Variants in NCKAP1 observed in about 807,000 individuals in gnomAD.
NCKAP1 encodes nck-associated protein 1.
Under a neutral mutation model 151.2 loss-of-function variants are expected in NCKAP1, and 21 were observed. The observed-to-expected ratio is 0.14, with a 90% CI of 0.10 to 0.20. The LOEUF is 0.20. Among genes scored for constraint, NCKAP1 ranks in the 10% least tolerant of loss-of-function variants. The pLI is 1.00. For synonymous variants in NCKAP1, 484 were observed against 451.8 expected (o/e 1.07, Z -0.90); for missense variants, 933 against 1,352.1 (o/e 0.69, Z 4.86).
At chr2:183,025,682 A>G (rs1318555703) in intron 1 of NCKAP1, among the ~76,000 whole-genome samples, 1 of 152,214 alleles carries the variant, frequency 6.6e-6, no homozygotes, top group Non-Finnish European at 1.5e-5. Context: ...CATTTCTTTA[A>G]AATATTCTTA....
At chr2:182,973,847 T>G (rs1697748826) in intron 15 of NCKAP1, among the ~76,000 whole-genome samples, 1 of 152,192 alleles carries the variant, frequency 6.6e-6, no homozygotes, top group Non-Finnish European at 1.5e-5. Flanking sequence ...CTTTTTCCTA[T>G]TCAAAGCAAT....
chr2:182,940,232 A>T (rs1696967726), intron 24 of NCKAP1, among the ~76,000 whole-genome samples: 1 of 152,196 alleles, frequency 6.6e-6, no homozygotes, highest in Non-Finnish European at 1.5e-5. Flanking sequence ...AAAACATGAA[A>T]AAAACAAAAC....
In NCKAP1 at chr2:183,032,912, T is replaced by C; in HGVS notation, c.108+5080A>G. On this transcript the variant is annotated intron_variant, in intron 1 of 30. Transcript: ENST00000361354. Reference sequence around the variant, plus strand: ...AAAAAATACAAAAATTAGCCTGGCATGGTGGCATGTGCCTATAGTCCCAGC... The same window carrying C: ...AAAAAATACAAAAATTAGCCTGGCACGGTGGCATGTGCCTATAGTCCCAGC... Among the ~76,000 whole-genome samples, 2 of 152,076 alleles carry C rather than the reference T, an allele frequency of 1.3e-5. 1 individual carries two copies. Among genetic ancestry groups the C allele is most frequent in the Non-Finnish European group, 2.9e-5 (2 of 68,008 alleles).
At chr2:183,000,563 T>G (rs1698357453) in intron 6 of NCKAP1, among the ~76,000 whole-genome samples, 1 of 152,192 alleles carries the variant, frequency 6.6e-6, no homozygotes, top group Non-Finnish European at 1.5e-5. Flanking sequence ...GACCATGATA[T>G]GTGCAGTATT....
At chr2:183,026,984 C>T (rs1282807013) in intron 1 of NCKAP1, among the ~76,000 whole-genome samples, 2 of 152,078 alleles carry the variant, frequency 1.3e-5, no homozygotes, top group African/African-American at 4.8e-5. Context: ...CCTTATGCAA[C>T]TATTAAATAC....
intron 15 of NCKAP1, among the ~76,000 whole-genome samples, chr2:182,969,822 AAAGAATAC>A (rs1225303309): frequency 6.6e-6 from 1 of 152,092 alleles, no homozygotes; most frequent in Non-Finnish European, 1.5e-5. Flanking sequence ...TTCAGACTAA[AAAGAATAC>A]AAAAGATCAA....
At position 182,916,184 on chromosome 2, in the gene NCKAP1, A is replaced by AC. The variant is rs1294414788; in HGVS notation, c.*9517_*9518insG. On this transcript the variant is annotated 3_prime_UTR_variant, in exon 31 of 31. Transcript: ENST00000361354. ...CGCCTTCTGTCAAAAAAAAAAAAAA[A>AC]AAAAAAACATGTCTCTGTGTCATCA... 2 of 151,356 alleles carry AC rather than the reference A, an allele frequency of 1.3e-5. No homozygotes were observed. The highest frequency in any genetic ancestry group is 2.4e-5 in the African/African-American group (1 of 41,198). 9.4% of individuals were successfully genotyped at this position (151,356 alleles called of 1,614,324 possible). A position where few individuals can be genotyped will look rare whatever the true frequency, so the allele number is the denominator to read the frequency against.
intron 23 of NCKAP1, 21 bp from the exon 24 acceptor site, chr2:182,942,184 C>T (rs1697009721): frequency 1.3e-6 from 2 of 1,584,896 alleles, no homozygotes; most frequent in Non-Finnish European, 8.7e-7. Context: ...AAGAAAGATC[C>T]TAGGTCAGGC....
rs558597712 is a variant in NCKAP1, at chr2:182,954,225, A to T, written c.2154-894T>A. On this transcript the variant is annotated intron_variant, in intron 20 of 30. Transcript: ENST00000361354. ...TGACAGTCAAACAAAATAAGGCAAC[A>T]AACAACTTTATTTTCTTTAATCACT... Among the ~76,000 whole-genome samples, 4 of 149,868 alleles carry T rather than the reference A, an allele frequency of 2.7e-5. No homozygotes were observed. In the South Asian group the frequency reaches 8.6e-4, roughly 32 times the overall value.
rs1250964539 is a variant in NCKAP1 at position 182,922,188 on chromosome 2, T to C, written c.*3514A>G. The C allele has an allele frequency of 6.6e-6, 1 of 152,224 alleles. No individual in the cohort carries two copies. The highest frequency in any genetic ancestry group is 6.5e-5 in the Admixed American group (1 of 15,286). 9.4% of individuals were successfully genotyped at this position (152,224 alleles called of 1,614,324 possible). ...GAAGTCTCAGAAAGGCAAGTCCTTA[T>C]AACAGAATGGGCATGGATCATGTAC... On this transcript the variant is annotated 3_prime_UTR_variant, in exon 31 of 31. Coordinates refer to ENST00000361354, the MANE Select transcript of NCKAP1 (RefSeq NM_013436.5).
At chr2:183,027,113 T>A (rs1698913191) in intron 1 of NCKAP1, among the ~76,000 whole-genome samples, 1 of 152,226 alleles carries the variant, frequency 6.6e-6, no homozygotes, top group Non-Finnish European at 1.5e-5. Context: ...AACCTAATTG[T>A]TAAGAACCTG....
At chr2:183,004,279 T>G (rs1206350783) in intron 2 of NCKAP1, among the ~76,000 whole-genome samples, 1 of 151,970 alleles carries the variant, frequency 6.6e-6, no homozygotes, top group Admixed American at 6.6e-5. Flanking sequence ...TATAAGTGGC[T>G]CAAAATAGCA....
At chr2:182,998,050 C>CCA (rs1698303548) in intron 6 of NCKAP1, among the ~76,000 whole-genome samples, 1 of 151,988 alleles carries the variant, frequency 6.6e-6, no homozygotes, top group African/African-American at 2.4e-5. Flanking sequence ...ATGTGATTAA[C>CCA]CACATAAACA....
intron 8 of NCKAP1, among the ~76,000 whole-genome samples, chr2:182,991,041 T>C (rs545168846): frequency 1.3e-5 from 2 of 152,346 alleles, no homozygotes; most frequent in South Asian, 4.1e-4. Flanking sequence ...TATCCTCTTA[T>C]GTACTTGACT....
intron 3 of NCKAP1, 60 bp from the exon 4 acceptor site, chr2:183,003,090 CACAA>C (rs1013445949): frequency 7.5e-6 from 11 of 1,464,784 alleles, no homozygotes; most frequent in Admixed American, 1.9e-5. Context: ...ATTCAGAAAA[CACAA>C]ACAAATAAGG....
chr2:182,953,130 T>C lies in NCKAP1; in HGVS notation c.2355A>G (p.Thr785=). ...HLDSHGEPTI[T]SLYTNWYLET... Reference sequence around the variant, plus strand: ...TTCCTTACCAATTTGTGTATAGACTTGTAATGGTTGGCTCTCCATGACTGT... The same window carrying C: ...TTCCTTACCAATTTGTGTATAGACTCGTAATGGTTGGCTCTCCATGACTGT... Residue 785 remains threonine, a synonymous_variant, in exon 21 of 31, where the codon ACA becomes ACG. Transcript: ENST00000361354. 1.2e-6 allele frequency: 2 copies of C among 1,611,630 alleles called. No homozygotes were observed. The highest frequency in any genetic ancestry group is 2.2e-5 in the East Asian group (1 of 44,812).
chr2:183,020,024 G>A (rs1698765171), intron 2 of NCKAP1, among the ~76,000 whole-genome samples: 1 of 151,532 alleles, frequency 6.6e-6, no homozygotes, highest in South Asian at 2.1e-4. Flanking sequence ...GGATTCTAAA[G>A]GGATTAAAAA....
At chr2:182,933,390 T>A (rs867123144) in intron 26 of NCKAP1, among the ~76,000 whole-genome samples, 3 of 2,502 alleles carry the variant, frequency 1.2e-3, no homozygotes, top group South Asian at 0.048. Flanking sequence ...TGGCACCACA[T>A]TTTTTTTTTT....
chr2:182,945,098 G>A lies in NCKAP1; in HGVS notation c.2602-2935C>T, dbSNP rs530527146. Among the ~76,000 whole-genome samples, 1,027 of 152,242 alleles carry A rather than the reference G, an allele frequency of 6.7e-3. 13 individuals are homozygous for A. The highest frequency in any genetic ancestry group is 0.024 in the African/African-American group (984 of 41,538). ...AAAAATACAAAAATTAGCAAGGCGTGGTGGCAGGCACCTGTAATCCCAGCT... is the reference window on the plus strand; with the variant it reads ...AAAAATACAAAAATTAGCAAGGCGTAGTGGCAGGCACCTGTAATCCCAGCT... On this transcript the variant is annotated intron_variant, in intron 23 of 30. Coordinates refer to ENST00000361354, the MANE Select transcript of NCKAP1 (RefSeq NM_013436.5).
Sources: gnomAD v4.1 joint callset for allele counts (sites outside exome capture counted in the v4.1 genomes callset) on GRCh38, gnomAD v4.1.1 for gene constraint, MANE v1.5 for transcripts, NCBI Gene and HGNC (gene_info 2026-07-23, HGNC 2026-07-21) for gene names.